The following PBLD variants were observed in gnomAD, a reference collection of about 807,000 sequenced individuals.
The protein encoded by PBLD is phenazine biosynthesis like protein domain containing, also known as phenazine biosynthesis-like domain-containing protein.
A neutral mutation model predicts 31.3 loss-of-function variants in PBLD; 26 were observed. The observed-to-expected ratio is 0.83, with a 90% confidence interval of 0.61 to 1.15. The LOEUF (loss-of-function observed/expected upper bound fraction) is 1.15, where lower values mean the gene tolerates loss of function less well. PBLD is among the 50% of genes most tolerant of loss of function. The pLI is 0.00. For missense variants in PBLD, 307 were observed against 351.7 expected, an observed-to-expected ratio of 0.87 and a Z score of 1.02; for synonymous variants, 114 against 129.0, an observed-to-expected ratio of 0.88 and a Z score of 0.79.
intron 4 of PBLD, 97 bp from the exon 5 acceptor site, chr10:68,292,335 C>T: frequency 9.5e-7 from 1 of 1,051,408 alleles, no homozygotes; most frequent in Non-Finnish European, 1.4e-6. Context: ...TTTTCTGGCA[C>T]TGTCATCCTT....
At chr10:68,332,304 G>C (rs1400117741) in intron 1 of PBLD, 1 of 152,240 alleles carries the variant, frequency 6.6e-6, no homozygotes, top group Non-Finnish European at 1.5e-5. Flanking sequence ...GGCTGGGTTG[G>C]GGGGTAGTGG....
chr10:68,292,234 G>A lies in PBLD; in HGVS notation c.288C>T (p.Asn96=), dbSNP rs777897725. 45 of 1,612,178 alleles carry A rather than the reference G, an allele frequency of 2.8e-5. No individual in the cohort carries two copies. Among genetic ancestry groups the A allele is most frequent in the Non-Finnish European group, 3.5e-5 (41 of 1,179,422 alleles). Residue 96 remains asparagine (N), a synonymous_variant, in exon 5 of 10, where the codon AAC becomes AAT. Coordinates refer to ENST00000358769, the MANE Select transcript of PBLD (RefSeq NM_022129.4). The part of the protein sequence containing the change: ...SAAVLFHKIK[N]MNSTLTFVTL... ...TGACAAACGTGAGCGTGCTATTCATGTTTTCTGGCCAAAATAGGAATCAAG... is the reference window on the plus strand; with the variant it reads ...TGACAAACGTGAGCGTGCTATTCATATTTTCTGGCCAAAATAGGAATCAAG...
chr10:68,284,831 C>T (rs1403899860), intron 9 of PBLD, among the ~76,000 whole-genome samples: 5 of 152,212 alleles, frequency 3.3e-5, no homozygotes, highest in African/African-American at 1.2e-4. Flanking sequence ...TAATTAGACT[C>T]GCCAAGGAAA....
rs1234315852 is a variant in PBLD at position 68,299,598 on chromosome 10, G to A, written c.85-2613C>T. 2.6e-5 allele frequency among the ~76,000 whole-genome samples: 4 copies of A among 152,092 alleles called. No homozygotes were observed. The East Asian group carries it at 7.8e-4, about 29-fold the overall frequency. On this transcript the variant is annotated intron_variant, in intron 2 of 9. Transcript: ENST00000358769. ...GGGCCAGGTGTGGCAGCTTATGCCT[G>A]TAATCCCAGCACTTTAGGAGGGCGA...
At chr10:68,317,735 T>C (rs2044754225) in intron 1 of PBLD, among the ~76,000 whole-genome samples, 1 of 150,436 alleles carries the variant, frequency 6.6e-6, no homozygotes, top group Non-Finnish European at 1.5e-5. Flanking sequence ...GAGGCAGGGG[T>C]TGCAGTGAGC....
chr10:68,286,269 G>C (rs1346783050), intron 8 of PBLD, among the ~76,000 whole-genome samples: 1 of 151,262 alleles, frequency 6.6e-6, no homozygotes, highest in Admixed American at 6.6e-5. Context: ...TGTATTTTTA[G>C]TGTAGACAGG....
chr10:68,309,508 C>A (rs2044632297), intron 1 of PBLD, among the ~76,000 whole-genome samples: 1 of 147,662 alleles, frequency 6.8e-6, no homozygotes, highest in Non-Finnish European at 1.5e-5. Context: ...CAGTTTAGTT[C>A]TTTGAAAAAA....
intron 8 of PBLD, among the ~76,000 whole-genome samples, chr10:68,286,467 C>T (rs1193574273): frequency 6.6e-6 from 1 of 151,962 alleles, no homozygotes; most frequent in African/African-American, 2.4e-5. Flanking sequence ...GGTGGAAACT[C>T]TGAAAAAAGG....
intron 1 of PBLD, among the ~76,000 whole-genome samples, chr10:68,315,464 T>C (rs954605457): frequency 3.3e-5 from 5 of 151,660 alleles, no homozygotes; most frequent in Admixed American, 1.3e-4. Flanking sequence ...GTGTGCCTGT[T>C]ATCCCAGCTA....
In PBLD at chr10:68,284,409, T is replaced by G. The variant is rs1347613865; in HGVS notation, c.755-120A>C. On this transcript the variant is annotated intron_variant, in intron 9 of 9. Coordinates refer to ENST00000358769, the MANE Select transcript of PBLD (RefSeq NM_022129.4). ...CAGATCAGTTTCAAGAATAAATTCC[T>G]TCGTCTGTTTATGGTACTGCCCACT... 4.7e-6 allele frequency: 4 copies of G among 846,982 alleles called. No individual in the cohort carries two copies. In the African/African-American group the frequency reaches 5.1e-5, roughly 11 times the overall value. 52.5% of individuals were successfully genotyped at this position (846,982 alleles called of 1,614,324 possible).
intron 4 of PBLD, among the ~76,000 whole-genome samples, chr10:68,294,214 G>T (rs1197417859): frequency 6.6e-6 from 1 of 152,074 alleles, no homozygotes; most frequent in East Asian, 1.9e-4. Context: ...GTTAGCCTCT[G>T]CCTGGGATGC....
chr10:68,326,029 C>T lies in PBLD; in HGVS notation c.-60+6755G>A, dbSNP rs74470345. 3.5e-3 allele frequency among the ~76,000 whole-genome samples: 537 copies of T among 151,852 alleles called. 4 individuals carry two copies. The highest frequency in any genetic ancestry group is 0.012 in the African/African-American group (511 of 41,360). ...TTATGTACGTGCATTTTTTTTTTAG[C>T]TCATCCAACATTATAGAATGTACTT... On this transcript the variant is annotated intron_variant, in intron 1 of 9. Transcript: ENST00000358769.
intron 2 of PBLD, among the ~76,000 whole-genome samples, chr10:68,305,304 G>A (rs1227123580): frequency 7.2e-6 from 1 of 138,114 alleles, no homozygotes; most frequent in Non-Finnish European, 1.5e-5. Flanking sequence ...TTAGAGACAC[G>A]GTCTCGCTGT....
intron 3 of PBLD, 142 bp downstream of exon 3, chr10:68,296,744 C>T: frequency 1.4e-6 from 1 of 709,250 alleles, no homozygotes; most frequent in East Asian, 2.6e-5. Context: ...TGGCTCACAC[C>T]TATAATGCCA....
At chr10:68,310,672 G>A (rs1197036901) in intron 1 of PBLD, among the ~76,000 whole-genome samples, 1 of 148,472 alleles carries the variant, frequency 6.7e-6, no homozygotes, top group Non-Finnish European at 1.5e-5. Context: ...AACTTTCTTA[G>A]ATTCCTCACT....
chr10:68,284,004 C>T lies in PBLD; in HGVS notation c.*173G>A, dbSNP rs1197527859. 2 of 539,154 alleles carry T rather than the reference C, an allele frequency of 3.7e-6. No individual in the cohort carries two copies. Among genetic ancestry groups the T allele is most frequent in the East Asian group, 6.8e-5 (2 of 29,262 alleles). 33.4% of individuals were successfully genotyped at this position (539,154 alleles called of 1,614,324 possible). ...TCAGGTGATCCACCCACCTTGGCCT[C>T]TCAAAGTGCTACGATTACAGGCATG... On this transcript the variant is annotated 3_prime_UTR_variant, in exon 10 of 10. Transcript: ENST00000358769.
intron 2 of PBLD, among the ~76,000 whole-genome samples, chr10:68,304,313 A>G (rs10740295): frequency 0.79 from 119,803 of 152,142 alleles, 47,804 homozygotes; most frequent in Middle Eastern, 0.86. Context: ...TAATCTTTAG[A>G]TATCTATTCA....
chr10:68,306,238 T>C (rs948746076), intron 2 of PBLD, among the ~76,000 whole-genome samples: 20 of 152,118 alleles, frequency 1.3e-4, no homozygotes, highest in Admixed American at 1.3e-4. Flanking sequence ...TAAAAATGAG[T>C]CTTTCAGTAA....
At chr10:68,323,660 T>C (rs1221108213) in intron 1 of PBLD, among the ~76,000 whole-genome samples, 2 of 152,228 alleles carry the variant, frequency 1.3e-5, no homozygotes, top group African/African-American at 4.8e-5. Flanking sequence ...TTTGTTGTTT[T>C]AAGCTGTTAA....
Sources: allele counts gnomAD v4.1 joint callset (sites outside exome capture counted in the v4.1 genomes callset), GRCh38; gene constraint gnomAD v4.1.1; transcripts MANE v1.5; gene names NCBI Gene and HGNC (gene_info 2026-07-23, HGNC 2026-07-21).